Variants in WDR88 observed in about 807,000 individuals in gnomAD.
WDR88 encodes WD repeat domain 88, also known as WD repeat-containing protein 88.
WDR88 carries 40 observed loss-of-function variants against 46.8 expected under a neutral mutation model. The observed-to-expected ratio is 0.86, with a 90% confidence interval of 0.66 to 1.11. WDR88 has a LOEUF of 1.11. Ranked by LOEUF, WDR88 falls within the 50% of genes most tolerant of loss-of-function variation. The probability of loss-of-function intolerance (pLI) is 0.00; values close to 1 mark genes in which losing one functional copy is unlikely to be tolerated. For synonymous variants in WDR88, 235 were observed against 240.7 expected (o/e 0.98, Z 0.22); for missense variants, 562 against 602.4 (o/e 0.93, Z 0.70).
chr19:33,149,180 A>G (rs1297719397), intron 5 of WDR88, among the ~76,000 whole-genome samples: 1 of 152,056 alleles, frequency 6.6e-6, no homozygotes, highest in Admixed American at 6.6e-5. Context: ...AAAATTAGCC[A>G]GGTGTGATGG....
At chr19:33,174,187 G>A (rs1247998765) in intron 10 of WDR88, 2 of 1,536,366 alleles carry the variant, frequency 1.3e-6, no homozygotes, top group Non-Finnish European at 1.7e-6. Flanking sequence ...AAAAGGAAAA[G>A]AAAGAGGCCT....
intron 6 of WDR88, among the ~76,000 whole-genome samples, chr19:33,151,570 C>T (rs144578868): frequency 3.7e-4 from 57 of 152,256 alleles, no homozygotes; most frequent in Non-Finnish European, 6.6e-4. Flanking sequence ...AGGTGAAGTT[C>T]CAGCATCTCC....
intron 1 of WDR88, among the ~76,000 whole-genome samples, chr19:33,136,881 C>T (rs1973277638): frequency 6.6e-6 from 1 of 151,880 alleles, no homozygotes; most frequent in South Asian, 2.1e-4. Flanking sequence ...CCCGCCCTTG[C>T]ATATCTTCTT....
intron 9 of WDR88, among the ~76,000 whole-genome samples, chr19:33,165,251 C>G (rs943055176): frequency 1.3e-5 from 2 of 152,056 alleles, no homozygotes; most frequent in Admixed American, 6.6e-5. Context: ...TTTATTTGAG[C>G]ATGTCATGTT....
At chr19:33,162,041 C>A (rs1342419702) in intron 8 of WDR88, among the ~76,000 whole-genome samples, 3 of 152,128 alleles carry the variant, frequency 2.0e-5, no homozygotes, top group East Asian at 1.9e-4. Context: ...AGCGGTTTAA[C>A]CTTCCCTCTG....
intron 5 of WDR88, among the ~76,000 whole-genome samples, 188 bp from the exon 6 acceptor site, chr19:33,150,993 A>G (rs1568364627): frequency 6.6e-6 from 1 of 152,160 alleles, no homozygotes; most frequent in Non-Finnish European, 1.5e-5. Context: ...GGGGCAGGGA[A>G]CCTGCTGTGC....
chr19:33,172,781 T>G (rs921536592), intron 10 of WDR88, among the ~76,000 whole-genome samples: 2 of 151,918 alleles, frequency 1.3e-5, no homozygotes, highest in Admixed American at 1.3e-4. Flanking sequence ...GGGTGAGCCA[T>G]GCAGATATTT....
At chr19:33,174,764 C>T (rs1936120759) in intron 10 of WDR88, 1 of 985,328 alleles carries the variant, frequency 1.0e-6, no homozygotes, top group Non-Finnish European at 1.2e-6. Context: ...CACCCCCATC[C>T]TCCCAACTGT....
At chr19:33,167,955 T>A (rs537813559) in intron 9 of WDR88, among the ~76,000 whole-genome samples, 1 of 151,870 alleles carries the variant, frequency 6.6e-6, no homozygotes, top group Admixed American at 6.6e-5. Context: ...TGACTTCAAG[T>A]GATCTGCCCA....
intron 1 of WDR88, among the ~76,000 whole-genome samples, chr19:33,135,111 TTTTA>T (rs1374622825): frequency 2.0e-5 from 3 of 151,462 alleles, no homozygotes; most frequent in African/African-American, 7.3e-5. Context: ...TTCCCCCCAG[TTTTA>T]CTGAGATATA....
intron 7 of WDR88, among the ~76,000 whole-genome samples, chr19:33,156,875 T>C (rs1429397683): frequency 6.6e-6 from 1 of 152,096 alleles, no homozygotes; most frequent in East Asian, 1.9e-4. Context: ...CAACCTAGCT[T>C]CCCTCTGTAT....
intron 8 of WDR88, among the ~76,000 whole-genome samples, chr19:33,161,612 G>A (rs902857762): frequency 1.9e-4 from 29 of 152,112 alleles, no homozygotes; most frequent in Admixed American, 1.5e-3. Context: ...GAGACAAAGC[G>A]AGTTTCCTCA....
At chr19:33,174,927 T>C in intron 10 of WDR88, 1 of 985,386 alleles carries the variant, frequency 1.0e-6, no homozygotes, top group East Asian at 1.1e-4. Flanking sequence ...ATTTCCGCCT[T>C]TGTGGGGTTA....
At chr19:33,149,694 TG>T in intron 5 of WDR88, among the ~76,000 whole-genome samples, 1 of 152,050 alleles carries the variant, frequency 6.6e-6, no homozygotes, top group Non-Finnish European at 1.5e-5. Flanking sequence ...AGTCTTGCTC[TG>T]TCTCCTAGGC....
intron 10 of WDR88, among the ~76,000 whole-genome samples, chr19:33,173,996 G>A (rs575335587): frequency 5.9e-5 from 9 of 152,098 alleles, no homozygotes; most frequent in East Asian, 3.9e-4. Flanking sequence ...GACTACAGGC[G>A]CCCACCACTA....
intron 8 of WDR88, among the ~76,000 whole-genome samples, chr19:33,163,490 C>G (rs1322815366): frequency 6.7e-6 from 1 of 149,768 alleles, no homozygotes; most frequent in African/African-American, 2.4e-5. Context: ...GAGCAAAACT[C>G]TGTCTCAAAA....
At position 33,152,848 on chromosome 19, in the gene WDR88, C is replaced by T. The variant is rs191873615; in HGVS notation, c.809+1538C>T. On this transcript the variant is annotated intron_variant, in intron 6 of 10. Transcript: ENST00000355868. ...AACTCCTGACCTTGTCATCCACCCA[C>T]CTCGGCCTCCCACAGTGCTGGGATT... is the stretch of plus-strand genomic sequence containing the variant. 2.2e-4 allele frequency among the ~76,000 whole-genome samples: 34 copies of T among 152,280 alleles called. No homozygotes were observed. In the East Asian group the frequency reaches 5.4e-3, roughly 24 times the overall value.
chr19:33,148,732 C>A, intron 4 of WDR88, 40 bp from the exon 5 acceptor site: 1 of 1,613,512 alleles, frequency 6.2e-7, no homozygotes, highest in Non-Finnish European at 8.5e-7. Context: ...ACACACCACA[C>A]CTGGCTTAAA....
chr19:33,161,096 C>G (rs1973857541), intron 8 of WDR88, among the ~76,000 whole-genome samples: 1 of 152,042 alleles, frequency 6.6e-6, no homozygotes, highest in Admixed American at 6.6e-5. Context: ...TCGCTTGAAC[C>G]CGGGAGGCGG....
Sources: allele counts gnomAD v4.1 joint callset (sites outside exome capture counted in the v4.1 genomes callset), GRCh38; gene constraint gnomAD v4.1.1; transcripts MANE v1.5; gene names NCBI Gene and HGNC (gene_info 2026-07-23, HGNC 2026-07-21).